JMY: variants seen among roughly 807,000 people sequenced by gnomAD.
JMY encodes junction-mediating and -regulatory protein.
JMY carries 46 observed loss-of-function variants against 103.3 expected under a neutral mutation model. That is an observed-to-expected ratio of 0.45 (90% confidence interval 0.35 to 0.57). The LOEUF (loss-of-function observed/expected upper bound fraction) is 0.57. JMY is among the 20% of genes least tolerant of loss of function. The pLI, the probability that JMY is intolerant of heterozygous loss-of-function variation, is 0.00. For synonymous variants in JMY, 526 were observed against 489.3 expected (o/e 1.07, Z -0.99); for missense variants, 1,238 against 1,255.2 (o/e 0.99, Z 0.21).
chr5:79,291,779 G>T (rs1188674687), intron 4 of JMY, among the ~76,000 whole-genome samples: 1 of 152,128 alleles, frequency 6.6e-6, no homozygotes, highest in Non-Finnish European at 1.5e-5. Flanking sequence ...TACAGTCACT[G>T]TCTATCCTTT....
intron 3 of JMY, 46 bp from the exon 4 acceptor site, chr5:79,291,084 T>C (rs1188777650): frequency 1.5e-6 from 2 of 1,360,624 alleles, no homozygotes; most frequent in African/African-American, 3.0e-5. Flanking sequence ...TGCTTCAGTA[T>C]TAAGTTGTTA....
chr5:79,303,003 C>G (rs907627584), intron 6 of JMY, among the ~76,000 whole-genome samples: 14 of 152,234 alleles, frequency 9.2e-5, no homozygotes, highest in African/African-American at 2.4e-4. Flanking sequence ...CCTCTGGTTT[C>G]TGGATTGGGC....
chr5:79,264,107 T>C (rs772507557), intron 1 of JMY, among the ~76,000 whole-genome samples: 10 of 151,652 alleles, frequency 6.6e-5, no homozygotes, highest in Non-Finnish European at 1.5e-4. Context: ...TTTTTAAAGA[T>C]AGGGTCTCAC....
intron 1 of JMY, among the ~76,000 whole-genome samples, chr5:79,265,204 G>A (rs938333349): frequency 1.5e-4 from 23 of 152,304 alleles, no homozygotes; most frequent in African/African-American, 5.1e-4. Context: ...GATTACAGGC[G>A]TGAGCTACTG....
At chr5:79,270,209 A>T (rs901608301) in intron 1 of JMY, among the ~76,000 whole-genome samples, 1 of 151,162 alleles carries the variant, frequency 6.6e-6, no homozygotes, top group Non-Finnish European at 1.5e-5. Flanking sequence ...TAAAGGGGAC[A>T]TCCTTGCTTT....
At chr5:79,275,493 C>T (rs1745912602) in intron 1 of JMY, among the ~76,000 whole-genome samples, 1 of 152,096 alleles carries the variant, frequency 6.6e-6, no homozygotes, top group Non-Finnish European at 1.5e-5. Flanking sequence ...TACCTCTCCC[C>T]TTCTTTTGGC....
At position 79,300,845 on chromosome 5, in the gene JMY, C is replaced by T. The variant is rs1261648345; in HGVS notation, c.1863C>T (p.Ser621=). Residue 621 remains serine (S), a synonymous_variant, in exon 6 of 11, where the codon TCC becomes TCT. Transcript: ENST00000396137. ...ARRGRVSAKK[S]YLRNKKEICI... is the part of the protein sequence containing the mutation. ...GTGGACGGGTTTCTGCCAAGAAATCCTACCTCAGAAATAAAAAGGTATTTA... is the reference window on the plus strand; with the variant it reads ...GTGGACGGGTTTCTGCCAAGAAATCTTACCTCAGAAATAAAAAGGTATTTA... 2.5e-6 allele frequency: 4 copies of T among 1,591,228 alleles called. No individual in the cohort carries two copies. The South Asian group carries it at 4.6e-5, about 18-fold the overall frequency.
chr5:79,258,946 A>G (rs1745336917), intron 1 of JMY, among the ~76,000 whole-genome samples: 1 of 152,200 alleles, frequency 6.6e-6, no homozygotes, highest in South Asian at 2.1e-4. Flanking sequence ...TCCAGCAAGA[A>G]TGAAGTACAC....
rs1176912712 is a variant in JMY, at chr5:79,306,451, C to T, written c.1958C>T (p.Thr653Ile). 1.2e-6 allele frequency: 2 copies of T among 1,607,808 alleles called. No homozygotes were observed. Among genetic ancestry groups the T allele is most frequent in the Non-Finnish European group, 1.7e-6 (2 of 1,175,358 alleles). ...RIEDEYRTHH[T>I]VQLKREKLHD... Reference sequence around the variant, plus strand: ...GAAGATGAATATAGAACCCATCACACAGTACAACTAGTAAGTTTGGATTCG... The same window carrying T: ...GAAGATGAATATAGAACCCATCACATAGTACAACTAGTAAGTTTGGATTCG... The change falls in exon 7 of 11, where the codon ACA becomes ATA. Residue 653 changes from threonine (T) to isoleucine (I), a missense_variant. Transcript: ENST00000396137.
chr5:79,242,205 A>T (rs763982780), intron 1 of JMY, among the ~76,000 whole-genome samples: 1 of 151,704 alleles, frequency 6.6e-6, no homozygotes, highest in Non-Finnish European at 1.5e-5. Flanking sequence ...AAGCCACATA[A>T]TAAATAGCCT....
rs1218818425 is a variant in JMY at position 79,326,192 on chromosome 5, T to A, written c.*4590T>A. The A allele has an allele frequency of 6.6e-6, 1 of 152,126 alleles. No individual in the cohort carries two copies. The highest frequency in any genetic ancestry group is 1.5e-5 in the Non-Finnish European group (1 of 68,004). The allele number at this position is 152,126 out of a possible 1,614,324, so 9.4% of individuals were successfully genotyped here. ...AGGGGAAAGTTTTGTTTTTTGCTGGTGTTTTTTGTTGTTTTTAATTAGGCA... is the reference window on the plus strand; with the variant it reads ...AGGGGAAAGTTTTGTTTTTTGCTGGAGTTTTTTGTTGTTTTTAATTAGGCA... On this transcript the variant is annotated 3_prime_UTR_variant, in exon 11 of 11. Coordinates refer to ENST00000396137, the MANE Select transcript of JMY (RefSeq NM_152405.5).
In JMY at chr5:79,237,261, C is replaced by T; in HGVS notation, c.611C>T (p.Ala204Val). Residue 204 changes from alanine to valine, a missense_variant, in exon 1 of 11, where the codon GCA becomes GTA. By Grantham distance (64) the Ala-to-Val change is moderately conservative. Coordinates refer to ENST00000396137, the MANE Select transcript of JMY (RefSeq NM_152405.5). ...EVLEMVKEDE[A>V]PLALSDAEQP... ...CTGGAAATGGTGAAGGAGGACGAGG[C>T]ACCTCTGGCGCTCTCGGACGCGGAG... is the stretch of plus-strand genomic sequence containing the variant. The T allele has an allele frequency of 6.4e-7, 1 of 1,551,484 alleles. No individual in the cohort carries two copies. Among genetic ancestry groups the T allele is most frequent in the Non-Finnish European group, 8.7e-7 (1 of 1,147,372 alleles).
intron 1 of JMY, among the ~76,000 whole-genome samples, chr5:79,265,007 T>C (rs1044138166): frequency 2.0e-5 from 3 of 152,188 alleles, no homozygotes; most frequent in Admixed American, 1.3e-4. Context: ...CTATAAGCCC[T>C]GCCTCCCAGG....
chr5:79,300,002 T>A (rs200474418), intron 4 of JMY, 151 bp from the exon 5 acceptor site: 18 of 403,718 alleles, frequency 4.5e-5, no homozygotes, highest in East Asian at 2.5e-4. Flanking sequence ...ATATATATAT[T>A]TTTAAAGTCT....
intron 8 of JMY, among the ~76,000 whole-genome samples, chr5:79,313,925 C>G (rs1315297621): frequency 6.6e-6 from 1 of 152,214 alleles, no homozygotes; most frequent in Non-Finnish European, 1.5e-5. Context: ...GTGGCACAAT[C>G]TCGGCTCACT....
intron 8 of JMY, 58 bp from the exon 9 acceptor site, chr5:79,314,199 G>A (rs1449110191): frequency 3.9e-6 from 6 of 1,538,566 alleles, no homozygotes; most frequent in Admixed American, 4.2e-5. Flanking sequence ...AAATAGGCAT[G>A]TGCTCATAAA....
intron 1 of JMY, among the ~76,000 whole-genome samples, chr5:79,272,236 C>T (rs1227797798): frequency 2.0e-5 from 3 of 151,774 alleles, no homozygotes; most frequent in East Asian, 1.9e-4. Flanking sequence ...TTGCTTTCAA[C>T]TTATTTGTGT....
At chr5:79,283,985 T>C in intron 2 of JMY, 1 of 535,186 alleles carries the variant, frequency 1.9e-6, no homozygotes, top group Non-Finnish European at 3.1e-6. Context: ...GTATTCTTTG[T>C]ATTTGTAGCT....
chr5:79,246,352 C>T (rs1744901696), intron 1 of JMY, among the ~76,000 whole-genome samples: 1 of 152,114 alleles, frequency 6.6e-6, no homozygotes, highest in African/African-American at 2.4e-5. Context: ...TCAATAACTG[C>T]AATAGTTAGT....
Sources: allele counts gnomAD v4.1 joint callset (sites outside exome capture counted in the v4.1 genomes callset), GRCh38; gene constraint gnomAD v4.1.1; transcripts MANE v1.5; gene names NCBI Gene and HGNC (gene_info 2026-07-23, HGNC 2026-07-21).